The following VPS13C variants were observed in gnomAD, a reference collection of about 807,000 sequenced individuals.
VPS13C encodes the protein intermembrane lipid transfer protein VPS13C.
Under a neutral mutation model 456.8 loss-of-function variants are expected in VPS13C, and 358 were observed. The observed-to-expected ratio is 0.78, with a 90% CI of 0.72 to 0.86. VPS13C has a LOEUF of 0.86. VPS13C is among the 40% of genes least tolerant of loss of function. The probability of loss-of-function intolerance (pLI) is 0.00; values close to 1 mark genes in which losing one functional copy is unlikely to be tolerated. For synonymous variants in VPS13C, 1,578 were observed against 1,486.7 expected, an observed-to-expected ratio of 1.06 and a Z score of -1.41; for missense variants, 4,818 against 4,385.4, an observed-to-expected ratio of 1.10 and a Z score of -2.79.
intron 63 of VPS13C, among the ~76,000 whole-genome samples, chr15:61,910,661 T>C (rs1359577846): frequency 1.3e-5 from 2 of 152,212 alleles, no homozygotes; most frequent in Non-Finnish European, 2.9e-5. Flanking sequence ...AATTCATTAA[T>C]ACATGATGAA....
chr15:61,937,505 C>T lies in VPS13C; in HGVS notation c.5602-755G>A, dbSNP rs150686622. Among the ~76,000 whole-genome samples, 30 of 152,220 alleles carry T rather than the reference C, an allele frequency of 2.0e-4. No individual in the cohort carries two copies. The East Asian group carries it at 5.6e-3, about 28-fold the overall frequency. On this transcript the variant is annotated intron_variant, in intron 47 of 84. Transcript: ENST00000644861. ...TCTTTTCTTTTTTGAGATGGAGTCT[C>T]GCTCTGTCGCCCAGGCTAGAGTGCA...
In VPS13C at chr15:62,028,438, G is replaced by A; in HGVS notation, c.386-18C>T. On this transcript the variant is annotated intron_variant, in intron 5 of 84. Coordinates refer to ENST00000644861, the MANE Select transcript of VPS13C (RefSeq NM_020821.3). ...ATGTGTGCCTGCATCCCACATGGCA[G>A]CAATAACCAAAATGCAAAGCAATTT... 6.2e-7 allele frequency: 1 copy of A among 1,611,946 alleles called. No homozygotes were observed. Among genetic ancestry groups the A allele is most frequent in the South Asian group, 1.1e-5 (1 of 90,860 alleles).
intron 17 of VPS13C, 50 bp downstream of exon 17, chr15:61,991,623 T>C (rs1256737281): frequency 6.8e-6 from 10 of 1,471,006 alleles, no homozygotes; most frequent in Non-Finnish European, 8.2e-6. Context: ...ATTTACACAG[T>C]TTTTTTTTAA....
intron 5 of VPS13C, among the ~76,000 whole-genome samples, chr15:62,032,616 G>T (rs537802312): frequency 2.1e-3 from 312 of 151,794 alleles, no homozygotes; most frequent in African/African-American, 7.0e-3. Context: ...AACATCTTAA[G>T]CTAGGAAAAG....
intron 13 of VPS13C, 43 bp from the exon 14 acceptor site, chr15:62,008,804 A>G: frequency 8.3e-7 from 1 of 1,201,334 alleles, no homozygotes; most frequent in South Asian, 1.8e-5. Flanking sequence ...CACTGTATAT[A>G]TAAAAAAAAG....
At chr15:62,029,762 G>A (rs1303529207) in intron 5 of VPS13C, among the ~76,000 whole-genome samples, 1 of 152,052 alleles carries the variant, frequency 6.6e-6, no homozygotes, top group Non-Finnish European at 1.5e-5. Context: ...GAGCCTGGAA[G>A]CTAGAAAACA....
chr15:61,967,348 A>C lies in VPS13C; in HGVS notation c.2991+20T>G. The C allele has an allele frequency of 6.3e-7, 1 of 1,578,936 alleles. No homozygotes were observed. The highest frequency in any genetic ancestry group is 8.7e-7 in the Non-Finnish European group (1 of 1,155,412). On this transcript the variant is annotated intron_variant, in intron 29 of 84. Coordinates refer to ENST00000644861, the MANE Select transcript of VPS13C (RefSeq NM_020821.3). ...AGTTTGGAGTAAACAATAAATATAT[A>C]ATCATTCTATAGCCCTTACCTTAAT...
intron 9 of VPS13C, among the ~76,000 whole-genome samples, chr15:62,017,942 T>G: frequency 6.6e-6 from 1 of 152,230 alleles, no homozygotes; most frequent in East Asian, 1.9e-4. Flanking sequence ...TCCATTTGTT[T>G]GTGTCCTCTT....
Position 62,060,324 on chromosome 15 carries a change from G to A in VPS13C, c.51C>T (p.Asp17=), listed in dbSNP as rs1372662506. ...VADLLNRFLG[D]YVENLNKSQL... ...GGGACTTGTTCAGGTTCTCCACATA[G>A]TCCCCCAGGAAGCGGTTCAGCAAGT... The change falls in exon 1 of 85, where the codon GAC becomes GAT. Residue 17 remains aspartate (D), a synonymous_variant. Transcript: ENST00000644861. 6 of 1,607,606 alleles carry A rather than the reference G, an allele frequency of 3.7e-6. No homozygotes were observed. The highest frequency in any genetic ancestry group is 5.1e-6 in the Non-Finnish European group (6 of 1,177,498).
At chr15:61,865,765 C>G in intron 81 of VPS13C, 1 of 682,242 alleles carries the variant, frequency 1.5e-6, no homozygotes, top group Middle Eastern at 7.5e-4. Flanking sequence ...CATATATGTA[C>G]GTGTGTATAT....
intron 22 of VPS13C, among the ~76,000 whole-genome samples, chr15:61,980,299 G>A (rs112736571): frequency 4.0e-5 from 6 of 148,306 alleles, no homozygotes; most frequent in African/African-American, 1.2e-4. Flanking sequence ...ATGTCAAAAT[G>A]ATCCAGTCAA....
At chr15:61,906,089 G>T (rs949095109) in intron 66 of VPS13C, among the ~76,000 whole-genome samples, 5 of 152,172 alleles carry the variant, frequency 3.3e-5, no homozygotes, top group South Asian at 4.1e-4. Context: ...CCATGTTGGG[G>T]TTTTTTCTGT....
At chr15:62,035,139 TAA>T in intron 3 of VPS13C, 87 bp from the exon 4 acceptor site, 1 of 862,698 alleles carries the variant, frequency 1.2e-6, no homozygotes, top group Non-Finnish European at 1.8e-6. Flanking sequence ...CGAAAAAGCA[TAA>T]AAAACTCTTC....
chr15:62,057,486 C>T (rs1054084892), intron 1 of VPS13C, among the ~76,000 whole-genome samples: 1 of 152,076 alleles, frequency 6.6e-6, no homozygotes, highest in Non-Finnish European at 1.5e-5. Flanking sequence ...ACAGACTGTG[C>T]AATAATGATA....
intron 82 of VPS13C, among the ~76,000 whole-genome samples, chr15:61,859,745 T>C (rs1035516390): frequency 2.0e-5 from 3 of 152,162 alleles, no homozygotes; most frequent in Admixed American, 6.5e-5. Context: ...GGTGATATCA[T>C]TGATAATTTG....
chr15:61,945,764 A>C lies in VPS13C; in HGVS notation c.5099T>G (p.Val1700Gly). The change falls in exon 45 of 85, where the codon GTG becomes GGG. Residue 1700 changes from valine to glycine, a missense_variant. By Grantham distance (109) the Val-to-Gly change is moderately radical. Coordinates refer to ENST00000644861, the MANE Select transcript of VPS13C (RefSeq NM_020821.3). ...AACATAAACAATCTGAATACAACCC[A>C]CTTTAAAACTAAGTTTGCCGTCTAC... The part of the protein sequence containing the change: ...SKVDGKLSFK[V>G]GCIQIVYVHK... The C allele has an allele frequency of 6.2e-7, 1 of 1,610,310 alleles. No homozygotes were observed. Among genetic ancestry groups the C allele is most frequent in the South Asian group, 1.1e-5 (1 of 90,200 alleles).
chr15:62,033,523 T>G lies in VPS13C; in HGVS notation c.303A>C (p.Val101=), dbSNP rs2047887549. ...CATCCTGCAAGGATTTTTCTTCTTT[T>G]ACAGCATCATACTTAATACCTAAAA... ...VPGASIKYDA[V]KEEKSLQDVK... The change falls in exon 5 of 85, where the codon GTA becomes GTC. Residue 101 remains valine (V), a synonymous_variant. Coordinates refer to ENST00000644861, the MANE Select transcript of VPS13C (RefSeq NM_020821.3). The G allele has an allele frequency of 1.2e-6, 2 of 1,601,094 alleles. No homozygotes were observed. Among genetic ancestry groups the G allele is most frequent in the Non-Finnish European group, 1.7e-6 (2 of 1,172,382 alleles).
intron 41 of VPS13C, 118 bp from the exon 42 acceptor site, chr15:61,949,723 A>C: frequency 1.0e-6 from 1 of 958,684 alleles, no homozygotes; most frequent in South Asian, 2.2e-5. Context: ...TAAAATTTTT[A>C]TTTTTTTAAG....
intron 4 of VPS13C, among the ~76,000 whole-genome samples, chr15:62,034,501 C>T (rs1158348951): frequency 6.6e-6 from 1 of 151,278 alleles, no homozygotes; most frequent in African/African-American, 2.4e-5. Context: ...ACTATCATTT[C>T]GAAGGAAAAA....
Sources: allele counts gnomAD v4.1 joint callset (sites outside exome capture counted in the v4.1 genomes callset), GRCh38; gene constraint gnomAD v4.1.1; transcripts MANE v1.5; gene names NCBI Gene and HGNC (gene_info 2026-07-23, HGNC 2026-07-21).